TOX: variants seen among roughly 807,000 people sequenced by gnomAD.
TOX encodes the protein thymocyte selection-associated high mobility group box protein TOX.
Under a neutral mutation model 53.7 loss-of-function variants are expected in TOX, and 11 were observed. The ratio of observed to expected loss-of-function variants is 0.20; its 90% CI spans 0.13 to 0.34. The LOEUF is 0.34. Ranked by LOEUF, TOX falls within the 10% of genes least tolerant of loss-of-function variation. The pLI is 1.00. For missense variants in TOX, 570 were observed against 664.6 expected (o/e 0.86, Z 1.56); for synonymous variants, 225 against 245.3 (o/e 0.92, Z 0.77).
chr8:59,093,405 C>G (rs1340964437), intron 1 of TOX, among the ~76,000 whole-genome samples: 1 of 152,166 alleles, frequency 6.6e-6, no homozygotes. Context: ...GGTAGGTGCT[C>G]AGTTAACATC....
intron 3 of TOX, among the ~76,000 whole-genome samples, chr8:58,930,978 T>G (rs1478940026): frequency 1.3e-5 from 2 of 152,194 alleles, no homozygotes; most frequent in African/African-American, 4.8e-5. Flanking sequence ...ATTTTTTTAT[T>G]CATCTTTGTT....
At chr8:59,043,090 C>T (rs1024661577) in intron 1 of TOX, among the ~76,000 whole-genome samples, 1 of 152,142 alleles carries the variant, frequency 6.6e-6, no homozygotes, top group African/African-American at 2.4e-5. Flanking sequence ...TCCCCATCCT[C>T]TACTTCCAGC....
Position 59,118,075 on chromosome 8 carries a change from G to A in TOX, c.102+811C>T, listed in dbSNP as rs959081550. Among the ~76,000 whole-genome samples, 2 of 152,170 alleles carry A rather than the reference G, an allele frequency of 1.3e-5. No homozygotes were observed. The highest frequency in any genetic ancestry group is 2.9e-5 in the Non-Finnish European group (2 of 68,008). ...GCCAGCGCCCCACCTCCGGGTCACC[G>A]GCATGATCCGCCTCTCCCCGGGCCC... On this transcript the variant is annotated intron_variant, in intron 1 of 8. Transcript: ENST00000361421. This position sits in a 1 kb window ranked among gnomAD's most constrained non-coding sequence, Gnocchi z 4.1.
chr8:59,110,074 C>T (rs1804985502), intron 1 of TOX, among the ~76,000 whole-genome samples: 1 of 152,032 alleles, frequency 6.6e-6, no homozygotes, highest in South Asian at 2.1e-4. Context: ...TTTCAAAAAG[C>T]TTAATTTTGG....
At chr8:58,976,287 C>G (rs967633101) in intron 1 of TOX, among the ~76,000 whole-genome samples, 2 of 152,230 alleles carry the variant, frequency 1.3e-5, no homozygotes, top group African/African-American at 4.8e-5. Flanking sequence ...AGCATTTTCA[C>G]CAATGGTGAT....
chr8:59,114,383 T>C (rs1055371172), intron 1 of TOX, among the ~76,000 whole-genome samples: 1 of 152,200 alleles, frequency 6.6e-6, no homozygotes, highest in Non-Finnish European at 1.5e-5. Context: ...AATACTGAAA[T>C]AACCCACACA....
chr8:58,982,439 A>G (rs1420061640), intron 1 of TOX, among the ~76,000 whole-genome samples: 1 of 152,178 alleles, frequency 6.6e-6, no homozygotes, highest in African/African-American at 2.4e-5. Flanking sequence ...TTCATCAAAG[A>G]CGCCTATCAG....
chr8:58,807,857 G>T, intron 8 of TOX, 74 bp from the exon 9 acceptor site: 1 of 1,573,492 alleles, frequency 6.4e-7, no homozygotes, highest in Non-Finnish European at 8.7e-7. Flanking sequence ...GGGGATGGAT[G>T]TCTTTGAATT....
intron 1 of TOX, among the ~76,000 whole-genome samples, chr8:59,095,088 A>C (rs1345632062): frequency 1.3e-5 from 2 of 152,224 alleles, no homozygotes; most frequent in African/African-American, 2.4e-5. Context: ...AAACCCTATT[A>C]TGTTCTAAGC....
chr8:58,840,406 C>T (rs1375202626), intron 4 of TOX, among the ~76,000 whole-genome samples: 1 of 152,100 alleles, frequency 6.6e-6, no homozygotes, highest in Non-Finnish European at 1.5e-5. Context: ...CTCAGCATGT[C>T]TGGTGCTTGA....
intron 1 of TOX, among the ~76,000 whole-genome samples, chr8:58,969,598 A>G (rs1160721508): frequency 6.6e-6 from 1 of 152,296 alleles, no homozygotes; most frequent in East Asian, 1.9e-4. Context: ...GCTTTAGTTT[A>G]AGGCTTCACA....
chr8:58,840,593 C>T (rs1447990445), intron 4 of TOX, among the ~76,000 whole-genome samples: 1 of 152,134 alleles, frequency 6.6e-6, no homozygotes, highest in East Asian at 1.9e-4. Context: ...GGGAGACTGG[C>T]CTCAGTCACA....
intron 4 of TOX, among the ~76,000 whole-genome samples, chr8:58,845,389 G>C (rs1244525372): frequency 6.6e-6 from 1 of 152,062 alleles, no homozygotes; most frequent in Non-Finnish European, 1.5e-5. Flanking sequence ...ATGTTTCAGT[G>C]AGTGAAAATT....
chr8:58,992,046 A>G (rs1040058487), intron 1 of TOX: 8 of 152,218 alleles, frequency 5.3e-5, no homozygotes, highest in African/African-American at 1.7e-4. Context: ...GATAAAATGA[A>G]AAGTCCCTGG....
chr8:58,838,007 G>T (rs996094715), intron 5 of TOX, 74 bp downstream of exon 5: 3 of 1,405,824 alleles, frequency 2.1e-6, no homozygotes, highest in African/African-American at 2.9e-5. Context: ...TTTACCCCAA[G>T]CCCTGGGAGG....
chr8:58,967,073 A>T (rs1335724070), intron 1 of TOX, among the ~76,000 whole-genome samples: 1 of 151,746 alleles, frequency 6.6e-6, no homozygotes, highest in Admixed American at 6.6e-5. Flanking sequence ...ACGGGGTTTC[A>T]CCGTGTTAGC....
intron 1 of TOX, among the ~76,000 whole-genome samples, chr8:59,021,108 C>CAAAAA (rs35493437): frequency 1.2e-4 from 11 of 91,966 alleles, no homozygotes; most frequent in South Asian, 8.2e-4. Flanking sequence ...GACCCTGTCT[C>CAAAAA]AAAAAAAAAA....
chr8:59,045,440 T>A (rs1384249150), intron 1 of TOX, among the ~76,000 whole-genome samples: 1 of 152,330 alleles, frequency 6.6e-6, no homozygotes, highest in East Asian at 1.9e-4. Flanking sequence ...GGTGCAAAAA[T>A]AATTCTGCTG....
chr8:58,991,421 A>C (rs1813444144), intron 1 of TOX, among the ~76,000 whole-genome samples: 1 of 152,192 alleles, frequency 6.6e-6, no homozygotes, highest in Admixed American at 6.5e-5. Context: ...ACAGACCCAA[A>C]ATGTATAGCA....
Sources: gnomAD v4.1 joint callset for allele counts (sites outside exome capture counted in the v4.1 genomes callset) on GRCh38, gnomAD v4.1.1 for gene constraint, Gnocchi (gnomAD v3.1) non-coding constraint, MANE v1.5 for transcripts, NCBI Gene and HGNC (gene_info 2026-07-23, HGNC 2026-07-21) for gene names.